DCAF5: variants seen among roughly 807,000 people sequenced by gnomAD.
The protein encoded by DCAF5 is DDB1- and CUL4-associated factor 5.
A neutral mutation model predicts 80.7 loss-of-function variants in DCAF5; 9 were observed. The observed-to-expected ratio is 0.11, with a 90% confidence interval of 0.07 to 0.19. DCAF5 has a LOEUF of 0.19. DCAF5 is among the 10% of genes least tolerant of loss of function. The pLI, the probability that DCAF5 is intolerant of heterozygous loss-of-function variation, is 1.00. For missense variants in DCAF5, 842 were observed against 1,205.7 expected, an observed-to-expected ratio of 0.70 and a Z score of 4.47; for synonymous variants, 433 against 461.9, an observed-to-expected ratio of 0.94 and a Z score of 0.80.
At chr14:69,112,230 A>G (rs1233484362) in intron 5 of DCAF5, among the ~76,000 whole-genome samples, 1 of 152,226 alleles carries the variant, frequency 6.6e-6, no homozygotes, top group African/African-American at 2.4e-5. Flanking sequence ...GCAGATTTCC[A>G]GGGTTATAAA....
chr14:69,085,068 C>CA, intron 6 of DCAF5: 1 of 1,136,132 alleles, frequency 8.8e-7, no homozygotes. Flanking sequence ...CATTCAGTCT[C>CA]AGCTTGAGAA....
At chr14:69,070,168 T>C (rs957345509) in intron 7 of DCAF5, among the ~76,000 whole-genome samples, 13 of 152,146 alleles carry the variant, frequency 8.5e-5, no homozygotes, top group African/African-American at 3.1e-4. Flanking sequence ...GAGTAAGAGG[T>C]AGCTCTGGAA....
chr14:69,068,677 A>G (rs920701644), intron 7 of DCAF5, among the ~76,000 whole-genome samples: 3 of 150,858 alleles, frequency 2.0e-5, no homozygotes, highest in Non-Finnish European at 4.4e-5. Context: ...CAGCCTGGAC[A>G]ATAAGAATGA....
In DCAF5 at chr14:69,119,089, TTG is replaced by T; in HGVS notation, c.395+103_395+104del. On this transcript the variant is annotated intron_variant, in intron 3 of 8. Transcript: ENST00000341516. ...TTAGAAAAGAACAGCTGGTTTCATG[TTG>T]TTTTTTTCAAAAAACAAAAACTATT... is the stretch of plus-strand genomic sequence containing the variant. The T allele has an allele frequency of 4.5e-6, 5 of 1,111,324 alleles. No homozygotes were observed. The South Asian group carries it at 8.9e-5, about 20-fold the overall frequency. The allele number at this position is 1,111,324 out of a possible 1,614,324, so 68.8% of individuals were successfully genotyped here. A position where few individuals can be genotyped will look rare whatever the true frequency, so the allele number is the denominator to read the frequency against.
At chr14:69,150,849 T>C (rs948770959) in intron 1 of DCAF5, among the ~76,000 whole-genome samples, 5 of 152,096 alleles carry the variant, frequency 3.3e-5, no homozygotes, top group Admixed American at 1.3e-4. Context: ...CAGTGAGTGA[T>C]AGCCCACTGC....
At chr14:69,087,526 C>A (rs904935404) in intron 6 of DCAF5, among the ~76,000 whole-genome samples, 3 of 152,150 alleles carry the variant, frequency 2.0e-5, no homozygotes, top group Admixed American at 2.0e-4. Flanking sequence ...TGTTGATACC[C>A]AGCCAACCTG....
At chr14:69,116,863 A>G (rs1295645466) in intron 4 of DCAF5, among the ~76,000 whole-genome samples, 1 of 152,210 alleles carries the variant, frequency 6.6e-6, no homozygotes, top group Admixed American at 6.5e-5. Context: ...TGGTAGGGTT[A>G]TTATGCTTTT....
chr14:69,068,397 A>T (rs1200133989), intron 7 of DCAF5, among the ~76,000 whole-genome samples: 2 of 152,186 alleles, frequency 1.3e-5, no homozygotes, highest in Non-Finnish European at 2.9e-5. Flanking sequence ...CCACTGGTAG[A>T]ATTAAGAGTT....
intron 1 of DCAF5, among the ~76,000 whole-genome samples, chr14:69,147,248 T>G (rs942458062): frequency 2.6e-5 from 4 of 152,224 alleles, no homozygotes; most frequent in Non-Finnish European, 5.9e-5. Context: ...GTTCACCTCA[T>G]GGAGATCTTT....
chr14:69,071,059 A>T (rs1213470436), intron 7 of DCAF5, among the ~76,000 whole-genome samples: 8 of 152,064 alleles, frequency 5.3e-5, no homozygotes, highest in African/African-American at 1.9e-4. Flanking sequence ...CAGCCTCCCA[A>T]AGTGCCGGGA....
upstream of DCAF5, chr14:69,153,121 CAG>C: frequency 1.7e-6 from 1 of 591,922 alleles, no homozygotes; most frequent in Middle Eastern, 4.9e-4. Context: ...GCGAGGTGTG[CAG>C]ACACTCGGCG....
At chr14:69,059,220 G>C (rs1300969932) in intron 8 of DCAF5, among the ~76,000 whole-genome samples, 1 of 152,120 alleles carries the variant, frequency 6.6e-6, no homozygotes, top group Non-Finnish European at 1.5e-5. Context: ...GAGTAACTGA[G>C]AGCACAGGCA....
At chr14:69,121,930 T>C (rs149216836) in intron 2 of DCAF5, among the ~76,000 whole-genome samples, 1 of 152,134 alleles carries the variant, frequency 6.6e-6, no homozygotes, top group Non-Finnish European at 1.5e-5. Flanking sequence ...AATATGTGTG[T>C]GTGTCTGTGT....
At position 69,054,545 on chromosome 14, in the gene DCAF5, A is replaced by G. The variant is rs569667542; in HGVS notation, c.2141T>C (p.Ile714Thr). The G allele has an allele frequency of 1.2e-6, 2 of 1,614,100 alleles. No homozygotes were observed. Among genetic ancestry groups the G allele is most frequent in the South Asian group, 2.2e-5 (2 of 91,082 alleles). The change falls in exon 9 of 9, where the codon ATA becomes ACA. Residue 714 changes from isoleucine to threonine, a missense_variant. Coordinates refer to ENST00000341516, the MANE Select transcript of DCAF5 (RefSeq NM_003861.3). ...GTCCTGGTTCCTCTGGGCCATTGCT[A>G]TGTTTAGACAGGCTTCCTTACTGGA... ...PSSSKEACLNIAMAQRNQDLP... is the reference protein window; with the variant it reads ...PSSSKEACLNTAMAQRNQDLP...
intron 8 of DCAF5, among the ~76,000 whole-genome samples, chr14:69,056,757 C>A (rs116330067): frequency 5.9e-4 from 90 of 152,328 alleles, no homozygotes; most frequent in African/African-American, 2.1e-3. Flanking sequence ...TGTGGGAATT[C>A]TCCTGAGTCC....
chr14:69,065,055 T>C (rs2139858717), intron 7 of DCAF5, among the ~76,000 whole-genome samples: 1 of 151,078 alleles, frequency 6.6e-6, no homozygotes, highest in Non-Finnish European at 1.5e-5. Context: ...ATTCAGACCA[T>C]GGAAAAACTG....
chr14:69,073,057 A>G (rs1025392950), intron 7 of DCAF5, among the ~76,000 whole-genome samples: 1 of 152,260 alleles, frequency 6.6e-6, no homozygotes, highest in African/African-American at 2.4e-5. Flanking sequence ...AGAATAAAGC[A>G]GCCAAAGATT....
intron 1 of DCAF5, among the ~76,000 whole-genome samples, chr14:69,129,000 A>G (rs1405525770): frequency 6.6e-6 from 1 of 152,110 alleles, no homozygotes; most frequent in Admixed American, 6.6e-5. Flanking sequence ...TTTGTGCCCA[A>G]CTCATAACCA....
At chr14:69,107,759 G>A (rs994847100) in intron 5 of DCAF5, among the ~76,000 whole-genome samples, 1 of 152,158 alleles carries the variant, frequency 6.6e-6, no homozygotes, top group Admixed American at 6.5e-5. Context: ...TCAGGGATTA[G>A]CAGGTCCATA....
Sources: gnomAD v4.1 joint callset for allele counts (sites outside exome capture counted in the v4.1 genomes callset) on GRCh38, gnomAD v4.1.1 for gene constraint, MANE v1.5 for transcripts, NCBI Gene and HGNC (gene_info 2026-07-23, HGNC 2026-07-21) for gene names.